The following RAD51B variants were observed in gnomAD, a reference collection of about 807,000 sequenced individuals.
RAD51B encodes RAD51 paralog B.
A neutral mutation model predicts 42.2 loss-of-function variants in RAD51B; 38 were observed. The observed-to-expected ratio is 0.90, with a 90% CI of 0.70 to 1.18. The LOEUF (loss-of-function observed/expected upper bound fraction) is 1.18. Among genes scored for constraint, RAD51B ranks in the 50% most tolerant of loss-of-function variants. The probability of loss-of-function intolerance (pLI) is 0.00; values close to 1 mark genes in which losing one functional copy is unlikely to be tolerated. For missense variants in RAD51B, 373 were observed against 400.7 expected, an observed-to-expected ratio of 0.93 and a Z score of 0.59; for synonymous variants, 154 against 145.2, an observed-to-expected ratio of 1.06 and a Z score of -0.43.
intron 7 of RAD51B, among the ~76,000 whole-genome samples, chr14:68,128,871 G>A (rs1309202902): frequency 6.6e-6 from 1 of 152,144 alleles, no homozygotes; most frequent in Admixed American, 6.5e-5. Context: ...GTTTTTCATT[G>A]AAATTAATTT....
chr14:67,968,602 A>G (rs2074834196), intron 7 of RAD51B, among the ~76,000 whole-genome samples: 1 of 152,188 alleles, frequency 6.6e-6, no homozygotes, highest in Admixed American at 6.5e-5. Context: ...AAAACATAAC[A>G]AGAGTTACCT....
chr14:67,971,031 A>G (rs2074888158), intron 7 of RAD51B, among the ~76,000 whole-genome samples: 1 of 152,114 alleles, frequency 6.6e-6, no homozygotes, highest in Non-Finnish European at 1.5e-5. Flanking sequence ...ATTAAAGATT[A>G]TAATTTTTAA....
At chr14:68,503,744 G>A (rs1244344700) in intron 10 of RAD51B, among the ~76,000 whole-genome samples, 1 of 152,150 alleles carries the variant, frequency 6.6e-6, no homozygotes, top group Non-Finnish European at 1.5e-5. Flanking sequence ...TTATTAAATT[G>A]AACTGAACTC....
At chr14:67,874,420 T>TG (rs1431266186) in intron 5 of RAD51B, among the ~76,000 whole-genome samples, 63 of 129,120 alleles carry the variant, frequency 4.9e-4, no homozygotes, top group African/African-American at 1.8e-3. Context: ...ACTTTTTTTG[T>TG]GATTTTTTTT....
chr14:68,176,989 A>G (rs548359980), intron 7 of RAD51B, among the ~76,000 whole-genome samples: 16 of 152,254 alleles, frequency 1.1e-4, no homozygotes, highest in Admixed American at 3.3e-4. Flanking sequence ...TTGTCATCAA[A>G]TTTGCCATCC....
In RAD51B at chr14:68,594,661, T is replaced by TCA. The variant is rs1275625911; in HGVS notation, c.*59_*60dup. On this transcript the variant is annotated 3_prime_UTR_variant, in exon 11 of 11. Coordinates refer to the RAD51B transcript ENST00000487270. ...CCAAGCTGATCTCAAACTCCTGGCT[T>TCA]CAAGAGATCCACCCACCTCAGCCTC... The TCA allele has an allele frequency of 7.0e-6, 9 of 1,279,874 alleles. No individual in the cohort carries two copies. Among genetic ancestry groups the TCA allele is most frequent in the African/African-American group, 6.1e-5 (4 of 65,992 alleles). The allele number at this position is 1,279,874 out of a possible 1,614,324, so 79.3% of individuals were successfully genotyped here.
At chr14:68,104,765 T>G (rs188354505) in intron 7 of RAD51B, among the ~76,000 whole-genome samples, 229 of 152,272 alleles carry the variant, frequency 1.5e-3, no homozygotes, top group Admixed American at 4.3e-3. Context: ...TCACTTTTGA[T>G]GAAACCAAGA....
At chr14:68,503,277 C>A (rs1885047147) in intron 10 of RAD51B, among the ~76,000 whole-genome samples, 1 of 152,100 alleles carries the variant, frequency 6.6e-6, no homozygotes, top group Non-Finnish European at 1.5e-5. Context: ...AATGAGCCGC[C>A]CAGGAGCATG....
At chr14:68,563,375 T>C (rs1182526579) in intron 10 of RAD51B, 2 of 985,340 alleles carry the variant, frequency 2.0e-6, no homozygotes, top group African/African-American at 1.7e-5. Flanking sequence ...TACTGCGAGC[T>C]GGGTTTTTCT....
chr14:68,656,801 A>C (rs776569983), intron 11 of RAD51B, among the ~76,000 whole-genome samples: 6 of 152,074 alleles, frequency 3.9e-5, no homozygotes, highest in Non-Finnish European at 8.8e-5. Flanking sequence ...GACCGGGCTG[A>C]GCTCCTGGCT....
chr14:68,386,932 A>G (rs571121892), intron 8 of RAD51B, among the ~76,000 whole-genome samples: 6 of 152,368 alleles, frequency 3.9e-5, no homozygotes, highest in Non-Finnish European at 2.9e-5. Flanking sequence ...CTGCACATTC[A>G]TTGATATCAC....
At chr14:67,927,703 ATGTGTGTGTG>A (rs35189653) in intron 7 of RAD51B, among the ~76,000 whole-genome samples, 4 of 137,434 alleles carry the variant, frequency 2.9e-5, no homozygotes, top group East Asian at 4.1e-4. Flanking sequence ...ATTTCATTGT[ATGTGTGTGTG>A]TGTGTGTGTG....
At chr14:67,850,902 T>C (rs1314145720) in intron 4 of RAD51B, among the ~76,000 whole-genome samples, 1 of 152,148 alleles carries the variant, frequency 6.6e-6, no homozygotes, top group East Asian at 1.9e-4. Context: ...AGACACACAC[T>C]GCAGCCTATC....
At chr14:68,399,548 A>T (rs1029324794) in intron 8 of RAD51B, among the ~76,000 whole-genome samples, 2 of 152,114 alleles carry the variant, frequency 1.3e-5, no homozygotes, top group Non-Finnish European at 2.9e-5. Context: ...TGAGCCACCA[A>T]GCCCAGCTCT....
chr14:68,355,705 A>G (rs1401091158), intron 8 of RAD51B, among the ~76,000 whole-genome samples: 1 of 152,208 alleles, frequency 6.6e-6, no homozygotes, highest in African/African-American at 2.4e-5. Context: ...GGAAAAGTCA[A>G]TTTAAATCCT....
intron 9 of RAD51B, among the ~76,000 whole-genome samples, chr14:68,453,102 A>G (rs143664661): frequency 6.6e-6 from 1 of 152,158 alleles, no homozygotes; most frequent in African/African-American, 2.4e-5. Context: ...AACTGATATT[A>G]AGATAATGTT....
At chr14:67,890,395 A>G (rs567624491) in intron 7 of RAD51B, among the ~76,000 whole-genome samples, 2 of 151,754 alleles carry the variant, frequency 1.3e-5, no homozygotes, top group Non-Finnish European at 2.9e-5. Context: ...TTTTTTTTCC[A>G]CAGCAGAATT....
intron 8 of RAD51B, among the ~76,000 whole-genome samples, chr14:68,301,410 G>A (rs767753300): frequency 3.7e-4 from 57 of 152,116 alleles, no homozygotes; most frequent in Non-Finnish European, 6.5e-4. Flanking sequence ...ATAAGTGGCT[G>A]CCAGAGACCA....
At chr14:68,079,460 A>T (rs1309344082) in intron 7 of RAD51B, among the ~76,000 whole-genome samples, 1 of 152,202 alleles carries the variant, frequency 6.6e-6, no homozygotes, top group Admixed American at 6.5e-5. Flanking sequence ...TTTAGCATTT[A>T]CTTCTGCTTA....
Sources: allele counts gnomAD v4.1 joint callset (sites outside exome capture counted in the v4.1 genomes callset), GRCh38; gene constraint gnomAD v4.1.1; transcripts MANE v1.5; gene names NCBI Gene and HGNC (gene_info 2026-07-23, HGNC 2026-07-21).